Variants in NLN observed in about 807,000 individuals in gnomAD.
The protein encoded by NLN is neurolysin, mitochondrial.
A neutral mutation model predicts 79.9 loss-of-function variants in NLN; 64 were observed. The ratio of observed to expected loss-of-function variants is 0.80; its 90% CI spans 0.65 to 0.99. The LOEUF (loss-of-function observed/expected upper bound fraction) is 0.99. NLN is among the 50% of genes least tolerant of loss of function. The pLI is 0.00. For synonymous variants in NLN, 267 were observed against 296.6 expected, an observed-to-expected ratio of 0.90 and a Z score of 1.02; for missense variants, 835 against 858.7, an observed-to-expected ratio of 0.97 and a Z score of 0.34.
intron 1 of NLN, among the ~76,000 whole-genome samples, chr5:65,749,387 G>A (rs891692392): frequency 3.9e-5 from 6 of 152,196 alleles, no homozygotes; most frequent in African/African-American, 1.4e-4. Flanking sequence ...TCAAGGAGAG[G>A]TTTACCCTGT....
chr5:65,822,347 A>G (rs1181558327), intron 12 of NLN, among the ~76,000 whole-genome samples: 1 of 152,174 alleles, frequency 6.6e-6, no homozygotes, highest in Non-Finnish European at 1.5e-5. Context: ...CCATCATAAA[A>G]GCAGCAGAAA....
intron 1 of NLN, among the ~76,000 whole-genome samples, chr5:65,738,475 A>C (rs965636803): frequency 1.3e-5 from 2 of 151,566 alleles, no homozygotes; most frequent in African/African-American, 2.4e-5. Flanking sequence ...CAGGAGGCTG[A>C]GGTGAGAGGA....
chr5:65,728,939 G>T (rs568737366), intron 1 of NLN, among the ~76,000 whole-genome samples: 5 of 152,224 alleles, frequency 3.3e-5, no homozygotes, highest in African/African-American at 1.2e-4. Context: ...GACCTCCCGG[G>T]CTCAAACGAT....
At chr5:65,726,719 A>T (rs2548781) in intron 1 of NLN, among the ~76,000 whole-genome samples, 35,998 of 152,110 alleles carry the variant, frequency 0.24, 4,391 homozygotes, top group African/African-American at 0.27. Flanking sequence ...ATATTAACTA[A>T]TTTGTTACAT....
intron 9 of NLN, among the ~76,000 whole-genome samples, chr5:65,796,267 A>G (rs993012015): frequency 1.3e-5 from 2 of 152,178 alleles, no homozygotes; most frequent in South Asian, 4.1e-4. Context: ...ACTTATTATC[A>G]TATGCTTACC....
rs1760899430 is a variant in NLN at position 65,825,552 on chromosome 5, C to T, written c.*2637C>T. 6.6e-6 allele frequency: 1 copy of T among 152,014 alleles called. No individual in the cohort carries two copies. The highest frequency in any genetic ancestry group is 2.4e-5 in the African/African-American group (1 of 41,386). The allele number at this position is 152,014 out of a possible 1,614,324, so 9.4% of individuals were successfully genotyped here. On this transcript the variant is annotated 3_prime_UTR_variant, in exon 13 of 13. Transcript: ENST00000380985. ...TTTGCCACCTGATGTAGACTTTGTC[C>T]CCCTCTAGTATAAATGTTGCATGTT...
chr5:65,739,317 C>G (rs1758822223), intron 1 of NLN, among the ~76,000 whole-genome samples: 1 of 151,968 alleles, frequency 6.6e-6, no homozygotes. Flanking sequence ...ACACTTTCCA[C>G]CAGGTTCATC....
Position 65,780,282 on chromosome 5 carries a change from G to A in NLN, c.661+1G>A. 1 of 1,285,878 alleles carries A rather than the reference G, an allele frequency of 7.8e-7. No individual in the cohort carries two copies. The highest frequency in any genetic ancestry group is 1.1e-6 in the Non-Finnish European group (1 of 912,314). The allele number at this position is 1,285,878 out of a possible 1,614,324, so 79.7% of individuals were successfully genotyped here. On this transcript the variant is annotated splice_donor_variant, in intron 5 of 12. Coordinates refer to ENST00000380985, the MANE Select transcript of NLN (RefSeq NM_020726.5). LOFTEE classifies it high-confidence loss of function. ...CTTGTATTTTCCAAGGCTGAACTTGGTAAGTTTTATTATTTTTCTAGATTA... is the reference window on the plus strand; with the variant it reads ...CTTGTATTTTCCAAGGCTGAACTTGATAAGTTTTATTATTTTTCTAGATTA...
chr5:65,748,419 G>T (rs1301900180), intron 1 of NLN, among the ~76,000 whole-genome samples: 1 of 152,156 alleles, frequency 6.6e-6, no homozygotes, highest in Non-Finnish European at 1.5e-5. Flanking sequence ...TCTCCAAGTG[G>T]TGGTAAGAAG....
intron 1 of NLN, among the ~76,000 whole-genome samples, chr5:65,746,618 G>A (rs895322066): frequency 5.3e-5 from 8 of 152,186 alleles, no homozygotes; most frequent in Non-Finnish European, 1.2e-4. Flanking sequence ...GGGGACCCAG[G>A]ATCAAGGAAG....
At chr5:65,722,502 C>G (rs887139552) in intron 1 of NLN, 88 bp downstream of exon 1, 4 of 1,214,272 alleles carry the variant, frequency 3.3e-6, no homozygotes, top group Non-Finnish European at 3.5e-6. Context: ...CACCCCTTCC[C>G]GACCGCGCCT....
intron 2 of NLN, among the ~76,000 whole-genome samples, chr5:65,762,130 A>G (rs1759352511): frequency 6.6e-6 from 1 of 152,192 alleles, no homozygotes. Context: ...AAACCAAACT[A>G]AATTATCATT....
intron 9 of NLN, among the ~76,000 whole-genome samples, chr5:65,802,573 G>C (rs1760310219): frequency 1.3e-5 from 2 of 152,248 alleles, no homozygotes; most frequent in Admixed American, 1.3e-4. Flanking sequence ...TTTCAGCCCT[G>C]TTTGTGTTAT....
rs1470151675 is a variant in NLN at position 65,785,828 on chromosome 5, A to G, written c.876A>G (p.Lys292=). 6.2e-7 allele frequency: 1 copy of G among 1,613,772 alleles called. No homozygotes were observed. The highest frequency in any genetic ancestry group is 1.3e-5 in the African/African-American group (1 of 74,918). The part of the protein sequence containing the change: ...QLLPLRTKVA[K]LLGYSTHADF... Reference sequence around the variant, plus strand: ...TCCCACTGCGAACCAAGGTGGCCAAACTACTCGGTTATAGCACACATGCTG... The same window carrying G: ...TCCCACTGCGAACCAAGGTGGCCAAGCTACTCGGTTATAGCACACATGCTG... The change falls in exon 7 of 13, where the codon AAA becomes AAG. Residue 292 remains lysine (K), a synonymous_variant. Coordinates refer to ENST00000380985, the MANE Select transcript of NLN (RefSeq NM_020726.5).
intron 3 of NLN, among the ~76,000 whole-genome samples, chr5:65,773,945 A>AAAT (rs916922972): frequency 3.3e-5 from 5 of 152,122 alleles, no homozygotes; most frequent in Admixed American, 6.5e-5. Flanking sequence ...CCTGTCTCAA[A>AAAT]AATAATAATA....
intron 1 of NLN, among the ~76,000 whole-genome samples, chr5:65,749,381 G>A (rs1292144421): frequency 6.6e-6 from 1 of 152,198 alleles, no homozygotes; most frequent in Non-Finnish European, 1.5e-5. Flanking sequence ...TGAGGATCAA[G>A]GAGAGGTTTA....
chr5:65,763,798 A>G (rs1759393980), intron 3 of NLN, among the ~76,000 whole-genome samples: 1 of 152,082 alleles, frequency 6.6e-6, no homozygotes, highest in African/African-American at 2.4e-5. Context: ...AATATTTTAA[A>G]TTAAATAGCA....
chr5:65,777,865 T>C (rs1759714832), intron 4 of NLN, among the ~76,000 whole-genome samples: 1 of 152,246 alleles, frequency 6.6e-6, no homozygotes, highest in Admixed American at 6.5e-5. Flanking sequence ...GAATAACCTG[T>C]AATACAATGT....
rs527475818 is a variant in NLN at position 65,785,939 on chromosome 5, G to A, written c.958+29G>A. 1.5e-5 allele frequency: 24 copies of A among 1,601,608 alleles called. No individual in the cohort carries two copies. The South Asian group carries it at 2.4e-4, about 16-fold the overall frequency. ...AGTTCTTTTTTTTTTTTCTATGACT[G>A]TTTTGCTATACCATGTCAACCAGAC... On this transcript the variant is annotated intron_variant, in intron 7 of 12. Transcript: ENST00000380985.
Sources: gnomAD v4.1 joint callset for allele counts (sites outside exome capture counted in the v4.1 genomes callset) on GRCh38, gnomAD v4.1.1 for gene constraint, MANE v1.5 for transcripts, NCBI Gene and HGNC (gene_info 2026-07-23, HGNC 2026-07-21) for gene names.